The following CD84 variants were observed in gnomAD, a reference collection of about 807,000 sequenced individuals.
The protein encoded by CD84 is SLAM family member 5.
CD84 carries 22 observed loss-of-function variants against 33.8 expected under a neutral mutation model. That is an observed-to-expected ratio of 0.65 (90% CI 0.46 to 0.93). CD84 has a LOEUF of 0.93. Ranked by LOEUF, CD84 falls within the 40% of genes least tolerant of loss-of-function variation. The pLI is 0.00. For synonymous variants in CD84, 154 were observed against 145.2 expected (o/e 1.06, Z -0.44); for missense variants, 400 against 397.6 (o/e 1.01, Z -0.05).
intron 3 of CD84, 180 bp downstream of exon 3, chr1:160,553,715 G>T: frequency 2.9e-6 from 3 of 1,029,342 alleles, no homozygotes; most frequent in South Asian, 3.3e-5. Context: ...GAAATGTCTA[G>T]CATCTCTCAG....
In CD84 at chr1:160,553,514, C is replaced by A; in HGVS notation, c.641-17G>T. Reference sequence around the variant, plus strand: ...TTGCGATGTCTGGAAATAGAAGATGCAGTGAGTCTTGATTCTCAGGAAATA... The same window carrying A: ...TTGCGATGTCTGGAAATAGAAGATGAAGTGAGTCTTGATTCTCAGGAAATA... On this transcript the variant is annotated splice_polypyrimidine_tract_variant and intron_variant, in intron 3 of 6. Coordinates refer to ENST00000368054, the MANE Select transcript of CD84 (RefSeq NM_003874.4). 1 of 1,613,938 alleles carries A rather than the reference C, an allele frequency of 6.2e-7. No homozygotes were observed. Among genetic ancestry groups the A allele is most frequent in the Non-Finnish European group, 8.5e-7 (1 of 1,179,852 alleles).
chr1:160,579,289 T>G, intron 1 of CD84, 103 bp downstream of exon 1: 2 of 1,525,690 alleles, frequency 1.3e-6, no homozygotes. Flanking sequence ...CCCAGGGTGT[T>G]CTGCTAAACA....
intron 2 of CD84, among the ~76,000 whole-genome samples, chr1:160,560,277 A>T (rs1479373306): frequency 2.0e-5 from 3 of 152,162 alleles, no homozygotes; most frequent in Non-Finnish European, 2.9e-5. Flanking sequence ...AAAGACCTGA[A>T]ATCATTCAGG....
At chr1:160,554,651 T>A (rs1338691894) in intron 2 of CD84, among the ~76,000 whole-genome samples, 1 of 152,232 alleles carries the variant, frequency 6.6e-6, no homozygotes, top group African/African-American at 2.4e-5. Flanking sequence ...ATTATCCAAT[T>A]CAGCAAAGAA....
At chr1:160,566,612 G>A (rs530471306) in intron 1 of CD84, among the ~76,000 whole-genome samples, 32 of 152,188 alleles carry the variant, frequency 2.1e-4, no homozygotes, top group Non-Finnish European at 8.8e-5. Context: ...ACGGCGAGAA[G>A]AAACAGATAT....
At chr1:160,579,047 A>G (rs1008658604) in intron 1 of CD84, among the ~76,000 whole-genome samples, 2 of 152,132 alleles carry the variant, frequency 1.3e-5, no homozygotes, top group Non-Finnish European at 2.9e-5. Context: ...AATTGCTTGT[A>G]AGTCATTCAA....
At chr1:160,567,768 T>A (rs872406) in intron 1 of CD84, among the ~76,000 whole-genome samples, 1 of 152,066 alleles carries the variant, frequency 6.6e-6, no homozygotes. Flanking sequence ...TGCCAAAATT[T>A]AAGAACATTA....
intron 2 of CD84, among the ~76,000 whole-genome samples, chr1:160,559,520 C>A (rs548441901): frequency 1.3e-5 from 2 of 152,264 alleles, no homozygotes; most frequent in South Asian, 4.1e-4. Context: ...CCAGCCACTA[C>A]AAAAACACAC....
At chr1:160,556,630 T>C (rs1350306307) in intron 2 of CD84, among the ~76,000 whole-genome samples, 2 of 152,224 alleles carry the variant, frequency 1.3e-5, no homozygotes, top group Non-Finnish European at 2.9e-5. Flanking sequence ...TAAATATGTA[T>C]AGTCTATATA....
chr1:160,566,368 T>C (rs1052288750), intron 1 of CD84, among the ~76,000 whole-genome samples: 1 of 152,130 alleles, frequency 6.6e-6, no homozygotes, highest in African/African-American at 2.4e-5. Context: ...TTAATAAATA[T>C]TTGTGGAATT....
rs888869230 is a variant in CD84 at position 160,550,556 on chromosome 1, C to T, written c.858+382G>A. On this transcript the variant is annotated intron_variant, in intron 5 of 6. Coordinates refer to ENST00000368054, the MANE Select transcript of CD84 (RefSeq NM_003874.4). ...AACTTGTCTGTCAGTTCTGTTGCCT[C>T]GTAGCCCCCTTAGCAACCTGTTCAC... The T allele has an allele frequency of 1.4e-5, 13 of 918,180 alleles. No homozygotes were observed. In the African/African-American group the frequency reaches 2.0e-4, roughly 14 times the overall value. The allele number at this position is 918,180 out of a possible 1,614,324, so 56.9% of individuals were successfully genotyped here.
intron 1 of CD84, among the ~76,000 whole-genome samples, chr1:160,578,938 G>C (rs1368702806): frequency 6.6e-6 from 1 of 152,130 alleles, no homozygotes; most frequent in Admixed American, 6.6e-5. Context: ...CAATGATAAC[G>C]ATGAGTCATC....
rs767478955 is a variant in CD84 at position 160,546,975 on chromosome 1, A to G, written c.*1281T>C. ...GCAGCCCATTGCTGTCCAGCCTAGGACTATTCATTGGGATTTAGGAGTTAG... is the reference window on the plus strand; with the variant it reads ...GCAGCCCATTGCTGTCCAGCCTAGGGCTATTCATTGGGATTTAGGAGTTAG... On this transcript the variant is annotated 3_prime_UTR_variant, in exon 7 of 7. Transcript: ENST00000368054. The G allele has an allele frequency of 6.6e-5, 26 of 396,132 alleles. No homozygotes were observed. Among genetic ancestry groups the G allele is most frequent in the Non-Finnish European group, 1.1e-4 (24 of 224,972 alleles). 24.5% of individuals were successfully genotyped at this position (396,132 alleles called of 1,614,324 possible). A position where few individuals can be genotyped will look rare whatever the true frequency, so the allele number is the denominator to read the frequency against.
At chr1:160,559,788 T>A (rs1389019429) in intron 2 of CD84, among the ~76,000 whole-genome samples, 1 of 151,998 alleles carries the variant, frequency 6.6e-6, no homozygotes, top group African/African-American at 2.4e-5. Context: ...AGGGAAAAAT[T>A]TACCAAGCAA....
At chr1:160,574,146 A>G (rs1334189630) in intron 1 of CD84, among the ~76,000 whole-genome samples, 2 of 150,350 alleles carry the variant, frequency 1.3e-5, no homozygotes, top group African/African-American at 4.9e-5. Flanking sequence ...TTTTTTTGCA[A>G]CTGACTCAAT....
Position 160,553,508 on chromosome 1 carries a change from A to G in CD84, c.641-11T>C, listed in dbSNP as rs1180818648. The G allele has an allele frequency of 3.7e-6, 6 of 1,613,978 alleles. No homozygotes were observed. The highest frequency in any genetic ancestry group is 3.3e-5 in the South Asian group (3 of 91,086). ...AGCCCATTGCGATGTCTGGAAATAG[A>G]AGATGCAGTGAGTCTTGATTCTCAG... is the stretch of plus-strand genomic sequence containing the variant. On this transcript the variant is annotated splice_polypyrimidine_tract_variant and intron_variant, in intron 3 of 6. Transcript: ENST00000368054.
Position 160,565,681 on chromosome 1 carries a change from G to A in CD84, c.111C>T (p.Val37=), listed in dbSNP as rs35600010. 1 of 1,613,698 alleles carries A rather than the reference G, an allele frequency of 6.2e-7. No homozygotes were observed. The highest frequency in any genetic ancestry group is 8.5e-7 in the Non-Finnish European group (1 of 1,179,798). Residue 37 remains valine, a synonymous_variant, in exon 2 of 7, where the codon GTC becomes GTT. Transcript: ENST00000368054. ...GTTCTTGGATATTTACAGGGAAAGTGACTGACTCTCCCAGAATCCCATTCA... is the reference window on the plus strand; with the variant it reads ...GTTCTTGGATATTTACAGGGAAAGTAACTGACTCTCCCAGAATCCCATTCA... ...FTVNGILGES[V]TFPVNIQEPR...
chr1:160,554,200 T>C, intron 2 of CD84, 54 bp from the exon 3 acceptor site: 1 of 1,405,754 alleles, frequency 7.1e-7, no homozygotes, highest in African/African-American at 1.4e-5. Flanking sequence ...TTGTACTAGT[T>C]TGTGGGAGCC....
At chr1:160,555,831 T>G (rs16832208) in intron 2 of CD84, among the ~76,000 whole-genome samples, 4,974 of 152,246 alleles carry the variant, frequency 0.033, 250 homozygotes, top group African/African-American at 0.11. Flanking sequence ...CTTGCGTTTG[T>G]GAAGGAACTC....
Sources: allele counts gnomAD v4.1 joint callset (sites outside exome capture counted in the v4.1 genomes callset), GRCh38; gene constraint gnomAD v4.1.1; transcripts MANE v1.5; gene names NCBI Gene and HGNC (gene_info 2026-07-23, HGNC 2026-07-21).